LRRC72: variants seen among roughly 807,000 people sequenced by gnomAD.
The protein encoded by LRRC72 is leucine-rich repeat-containing protein 72.
Under a neutral mutation model 35.8 loss-of-function variants are expected in LRRC72, and 41 were observed. The observed-to-expected ratio is 1.15, with a 90% CI of 0.89 to 1.49. The LOEUF is 1.49. Among genes scored for constraint, LRRC72 ranks in the 40% most tolerant of loss-of-function variants. The pLI is 0.00. For synonymous variants in LRRC72, 118 were observed against 119.2 expected (o/e 0.99, Z 0.07); for missense variants, 389 against 330.7 (o/e 1.18, Z -1.37).
chr7:16,565,053 GC>G (rs1782805338), intron 5 of LRRC72, among the ~76,000 whole-genome samples: 1 of 152,182 alleles, frequency 6.6e-6, no homozygotes, highest in Non-Finnish European at 1.5e-5. Context: ...GGTAGCTGGA[GC>G]TCTTTCTACT....
intron 3 of LRRC72, among the ~76,000 whole-genome samples, chr7:16,552,499 A>C (rs1374101461): frequency 6.6e-6 from 1 of 152,210 alleles, no homozygotes; most frequent in East Asian, 1.9e-4. Flanking sequence ...GGAAGAAGTC[A>C]AGAACAAGTG....
intron 5 of LRRC72, 98 bp downstream of exon 5, chr7:16,559,097 T>A (rs1207155550): frequency 2.9e-6 from 2 of 695,740 alleles, no homozygotes; most frequent in Non-Finnish European, 4.6e-6. Context: ...GCAATGTTTA[T>A]AATTAAGATA....
At chr7:16,548,529 T>C (rs2128336191) in intron 3 of LRRC72, among the ~76,000 whole-genome samples, 1 of 152,340 alleles carries the variant, frequency 6.6e-6, no homozygotes, top group Non-Finnish European at 1.5e-5. Flanking sequence ...CATTCCCCAG[T>C]GTCAGTCGTG....
intron 3 of LRRC72, among the ~76,000 whole-genome samples, chr7:16,546,995 G>C (rs559096154): frequency 1.3e-5 from 2 of 152,304 alleles, no homozygotes; most frequent in East Asian, 3.9e-4. Context: ...TCTGGGAGCA[G>C]CAGTGGTGGC....
chr7:16,573,269 C>A (rs982819380), intron 7 of LRRC72, among the ~76,000 whole-genome samples: 2 of 152,146 alleles, frequency 1.3e-5, no homozygotes, highest in Non-Finnish European at 2.9e-5. Flanking sequence ...ATCAAGCTAC[C>A]ATTGACTTTC....
At chr7:16,578,570 A>G (rs1562756062) in intron 7 of LRRC72, among the ~76,000 whole-genome samples, 2 of 152,222 alleles carry the variant, frequency 1.3e-5, no homozygotes, top group Admixed American at 6.5e-5. Flanking sequence ...CAAAATTAGA[A>G]TTTTGTCAAC....
At chr7:16,532,410 G>T (rs1455301037) in intron 1 of LRRC72, 85 bp from the exon 2 acceptor site, 14 of 881,486 alleles carry the variant, frequency 1.6e-5, no homozygotes, top group Non-Finnish European at 5.5e-6. Flanking sequence ...TGATCTTCTT[G>T]TAGACGTTAT....
At position 16,573,984 on chromosome 7, in the gene LRRC72, G is replaced by GT. The variant is rs1425021982; in HGVS notation, c.671-6089dup. 1.4e-4 allele frequency among the ~76,000 whole-genome samples: 21 copies of GT among 152,326 alleles called. No individual in the cohort carries two copies. The East Asian group carries it at 3.7e-3, about 27-fold the overall frequency. On this transcript the variant is annotated intron_variant, in intron 7 of 8. Coordinates refer to ENST00000401542, the MANE Select transcript of LRRC72 (RefSeq NM_001195280.2). Reference sequence around the variant, plus strand: ...AAAACACAACCTCATCAAAAAGTGAGTGAAGCATATGAACAGGCACTTCTC... The same window carrying GT: ...AAAACACAACCTCATCAAAAAGTGAGTTGAAGCATATGAACAGGCACTTCTC...
intron 3 of LRRC72, among the ~76,000 whole-genome samples, chr7:16,556,797 C>T (rs888066043): frequency 7.2e-5 from 11 of 152,210 alleles, no homozygotes; most frequent in Non-Finnish European, 1.5e-4. Context: ...CAGATTTCTG[C>T]AAGTGAAAAC....
chr7:16,544,674 C>T (rs780539245), intron 3 of LRRC72, among the ~76,000 whole-genome samples: 2 of 152,150 alleles, frequency 1.3e-5, no homozygotes, highest in East Asian at 1.9e-4. Context: ...TGACTTTGCT[C>T]GTTACTTCAA....
intron 3 of LRRC72, among the ~76,000 whole-genome samples, chr7:16,540,099 G>C (rs1013461770): frequency 2.6e-5 from 4 of 152,164 alleles, no homozygotes; most frequent in African/African-American, 9.7e-5. Flanking sequence ...AAGCCACAGG[G>C]ACTCAATGCC....
chr7:16,559,584 G>C (rs1346173679), intron 5 of LRRC72, among the ~76,000 whole-genome samples: 1 of 152,110 alleles, frequency 6.6e-6, no homozygotes, highest in Admixed American at 6.5e-5. Flanking sequence ...TATCTCAAAA[G>C]TAAGTTTTAA....
intron 1 of LRRC72, chr7:16,530,409 C>T (rs1782141527): frequency 2.0e-5 from 3 of 152,130 alleles, no homozygotes; most frequent in Non-Finnish European, 4.4e-5. Flanking sequence ...AATATCCACC[C>T]CTGTTGGCGA....
intron 8 of LRRC72, among the ~76,000 whole-genome samples, chr7:16,580,381 G>A (rs1228723474): frequency 6.6e-6 from 1 of 152,198 alleles, no homozygotes; most frequent in Admixed American, 6.5e-5. Context: ...AGTGGCTCAT[G>A]CCTGTAATCC....
chr7:16,578,399 G>A (rs1029126223), intron 7 of LRRC72, among the ~76,000 whole-genome samples: 1 of 152,132 alleles, frequency 6.6e-6, no homozygotes, highest in African/African-American at 2.4e-5. Flanking sequence ...CTTGAACCCA[G>A]GAGGCAGAGG....
At chr7:16,572,471 C>A (rs1354153157) in intron 7 of LRRC72, among the ~76,000 whole-genome samples, 1 of 152,202 alleles carries the variant, frequency 6.6e-6, no homozygotes, top group Non-Finnish European at 1.5e-5. Context: ...AAGCCAGCTT[C>A]ATCCTTGGGA....
chr7:16,543,405 A>G (rs78233054), intron 3 of LRRC72, among the ~76,000 whole-genome samples: 12,789 of 152,312 alleles, frequency 0.084, 631 homozygotes, highest in East Asian at 0.15. Flanking sequence ...GGAGAAAAAT[A>G]AAGGGAATGC....
chr7:16,543,918 AAATT>A (rs756778822), intron 3 of LRRC72, among the ~76,000 whole-genome samples: 11 of 152,220 alleles, frequency 7.2e-5, no homozygotes, highest in Non-Finnish European at 1.6e-4. Context: ...ATATGAGAGA[AAATT>A]AATGATGTTT....
intron 3 of LRRC72, among the ~76,000 whole-genome samples, chr7:16,539,053 C>T (rs908022576): frequency 2.6e-5 from 4 of 152,156 alleles, no homozygotes; most frequent in Non-Finnish European, 4.4e-5. Context: ...AACTTTGGAA[C>T]TGAGTAACAG....
Sources: gnomAD v4.1 joint callset for allele counts (sites outside exome capture counted in the v4.1 genomes callset) on GRCh38, gnomAD v4.1.1 for gene constraint, MANE v1.5 for transcripts, NCBI Gene and HGNC (gene_info 2026-07-23, HGNC 2026-07-21) for gene names.